The following BRINP3 variants were observed in gnomAD, a reference collection of about 807,000 sequenced individuals.
BRINP3 encodes BMP/retinoic acid-inducible neural-specific protein 3.
BRINP3 carries 19 observed loss-of-function variants against 71.0 expected under a neutral mutation model. The observed-to-expected ratio is 0.27, with a 90% CI of 0.19 to 0.39. BRINP3 has a LOEUF of 0.39. Among genes scored for constraint, BRINP3 ranks in the 10% least tolerant of loss-of-function variants. The pLI is 1.00. For missense variants in BRINP3, 959 were observed against 940.8 expected (o/e 1.02, Z -0.25); for synonymous variants, 380 against 337.7 (o/e 1.13, Z -1.37).
intron 2 of BRINP3, among the ~76,000 whole-genome samples, chr1:190,327,351 G>GGAAAAAAAAAAAAAAAAAAAA (rs1666668662): frequency 1.4e-4 from 9 of 65,748 alleles, no homozygotes; most frequent in East Asian, 4.4e-4. Flanking sequence ...AAAAAAAAAA[G>GGAAAAAAAAAAAAAAAAAAAA]GAAAAAAAAA....
intron 6 of BRINP3, among the ~76,000 whole-genome samples, chr1:190,188,353 T>G (rs1653725229): frequency 6.6e-6 from 1 of 152,192 alleles, no homozygotes; most frequent in African/African-American, 2.4e-5. Flanking sequence ...GGATACCTTT[T>G]ATTTATTTCT....
chr1:190,470,713 C>T (rs1677079785), intron 1 of BRINP3, among the ~76,000 whole-genome samples: 1 of 151,046 alleles, frequency 6.6e-6, no homozygotes, highest in Admixed American at 6.6e-5. Context: ...TTTTCACCAT[C>T]TCAATTGATA....
chr1:190,375,146 CA>C (rs1455355320), intron 2 of BRINP3, among the ~76,000 whole-genome samples: 2 of 151,764 alleles, frequency 1.3e-5, no homozygotes, highest in African/African-American at 4.8e-5. Flanking sequence ...GAAAATACAA[CA>C]AGGTAGTAAT....
chr1:190,444,637 C>T (rs1240407686), intron 2 of BRINP3, among the ~76,000 whole-genome samples: 1 of 151,968 alleles, frequency 6.6e-6, no homozygotes, highest in African/African-American at 2.4e-5. Flanking sequence ...CAGGTTCAAG[C>T]GATTCTCCCG....
intron 2 of BRINP3, among the ~76,000 whole-genome samples, chr1:190,317,001 C>A (rs1431084549): frequency 6.6e-6 from 1 of 151,582 alleles, no homozygotes; most frequent in East Asian, 2.0e-4. Flanking sequence ...GGTGAAACCC[C>A]ATCTCTACTA....
At chr1:190,138,313 G>A (rs1382327435) in intron 7 of BRINP3, among the ~76,000 whole-genome samples, 1 of 151,958 alleles carries the variant, frequency 6.6e-6, no homozygotes, top group Non-Finnish European at 1.5e-5. Context: ...ATTTATTAGT[G>A]TTATGAGAAT....
chr1:190,434,882 A>C (rs1674352773), intron 2 of BRINP3, among the ~76,000 whole-genome samples: 1 of 152,092 alleles, frequency 6.6e-6, no homozygotes, highest in African/African-American at 2.4e-5. Context: ...TATACTAACT[A>C]ATGCCTTTGC....
At chr1:190,426,889 A>G (rs1361154247) in intron 2 of BRINP3, among the ~76,000 whole-genome samples, 1 of 151,854 alleles carries the variant, frequency 6.6e-6, no homozygotes, top group Non-Finnish European at 1.5e-5. Flanking sequence ...GGGAGTCCAA[A>G]TGATAGTTAT....
At position 190,160,659 on chromosome 1, in the gene BRINP3, A is replaced by T. The variant is rs1344954496; in HGVS notation, c.1184+9T>A. The T allele has an allele frequency of 1.2e-6, 2 of 1,604,766 alleles. No homozygotes were observed. Among genetic ancestry groups the T allele is most frequent in the South Asian group, 2.2e-5 (2 of 89,658 alleles). ...AACTTAATTGCTTACATTACCACAA[A>T]TGTCTTACCTTTGTCTTGGCAGGCT... On this transcript the variant is annotated intron_variant, in intron 7 of 7. Transcript: ENST00000367462.
chr1:190,408,199 ATTTAT>A (rs756406885), intron 2 of BRINP3, among the ~76,000 whole-genome samples: 1,825 of 50,354 alleles, frequency 0.036, 26 homozygotes, highest in African/African-American at 0.077. Flanking sequence ...TTATTTATTT[ATTTAT>A]TTTTTTTTTT....
rs538171900 is a variant in BRINP3, at chr1:190,447,354, TA to T, written c.236+7300del. On this transcript the variant is annotated intron_variant, in intron 2 of 7. Coordinates refer to ENST00000367462, the MANE Select transcript of BRINP3 (RefSeq NM_199051.3). ...AACCAACATTTTTGAACATCTTATA[TA>T]TATATATATATTTGTGAATAGCTTA... Among the ~76,000 whole-genome samples the T allele has an allele frequency of 1.0e-3, 149 of 147,320 alleles. 1 individual carries two copies. The highest frequency in any genetic ancestry group is 1.4e-3 in the Non-Finnish European group (95 of 66,720).
rs751325612 is a variant in BRINP3, at chr1:190,098,059, G to C, written c.2260C>G (p.Pro754Ala). ...GTCGTGTCATAATCCATTGTGTTTGGCAATTTGGCATTAAACGCCTGCAGA... is the reference window on the plus strand; with the variant it reads ...GTCGTGTCATAATCCATTGTGTTTGCCAATTTGGCATTAAACGCCTGCAGA... Reference protein sequence around the residue: ...SALQAFNAKLPNTMDYDTTKL... With the variant: ...SALQAFNAKLANTMDYDTTKL... Residue 754 changes from proline to alanine, a missense_variant, in exon 8 of 8, where the codon CCA becomes GCA. Coordinates refer to ENST00000367462, the MANE Select transcript of BRINP3 (RefSeq NM_199051.3). 8 of 1,613,604 alleles carry C rather than the reference G, an allele frequency of 5.0e-6. No individual in the cohort carries two copies. The South Asian group carries it at 7.7e-5, about 16-fold the overall frequency.
chr1:190,143,680 C>T (rs1655645743), intron 7 of BRINP3, among the ~76,000 whole-genome samples: 2 of 152,056 alleles, frequency 1.3e-5, no homozygotes, highest in Admixed American at 1.3e-4. Context: ...GAATGAACAC[C>T]CAACATATAA....
intron 2 of BRINP3, among the ~76,000 whole-genome samples, chr1:190,337,564 C>G (rs763071770): frequency 3.9e-5 from 6 of 152,004 alleles, no homozygotes; most frequent in South Asian, 2.1e-4. Flanking sequence ...TTCCTGCCCT[C>G]GAACATCAGA....
At chr1:190,400,524 T>C (rs1333565856) in intron 2 of BRINP3, among the ~76,000 whole-genome samples, 2 of 152,188 alleles carry the variant, frequency 1.3e-5, no homozygotes, top group African/African-American at 2.4e-5. Flanking sequence ...CCAATGCTTT[T>C]AGTCAGCGTG....
intron 2 of BRINP3, among the ~76,000 whole-genome samples, chr1:190,450,616 A>C (rs1675543324): frequency 6.6e-6 from 1 of 152,068 alleles, no homozygotes; most frequent in African/African-American, 2.4e-5. Context: ...CTGATGAAAA[A>C]TACTTGTATT....
At chr1:190,379,997 C>CAAAAAAAAAAAAAAAAAAAAAAAAAAA (rs34329313) in intron 2 of BRINP3, among the ~76,000 whole-genome samples, 2 of 100,898 alleles carry the variant, frequency 2.0e-5, no homozygotes, top group African/African-American at 4.1e-5. Flanking sequence ...GACTCCACCT[C>CAAAAAAAAAAAAAAAAAAAAAAAAAAA]AAAAAAAAAA....
chr1:190,281,706 C>A lies in BRINP3; in HGVS notation c.281G>T (p.Arg94Ile), dbSNP rs759193265. ...AGGCAGAGGAGAGCCAAGGAAATTTCTTCTCTCAACTGCAAGGTTATTTAC... is the reference window on the plus strand; with the variant it reads ...AGGCAGAGGAGAGCCAAGGAAATTTATTCTCTCAACTGCAAGGTTATTTAC... ...WKVNNLAVER[R>I]NFLGSPLPLA... Residue 94 changes from arginine to isoleucine, a missense_variant, in exon 3 of 8, where the codon AGA (arginine) becomes ATA (isoleucine). Physicochemically the swap from Arg to Ile is moderately conservative, Grantham distance 97 (BLOSUM62 -3). Transcript: ENST00000367462. The A allele has an allele frequency of 8.1e-6, 13 of 1,612,554 alleles. No homozygotes were observed. The highest frequency in any genetic ancestry group is 3.4e-6 in the Non-Finnish European group (4 of 1,179,182).
intron 3 of BRINP3, among the ~76,000 whole-genome samples, chr1:190,270,902 A>G (rs1455515028): frequency 6.6e-6 from 1 of 151,662 alleles, no homozygotes; most frequent in Non-Finnish European, 1.5e-5. Flanking sequence ...ACATTCTTGT[A>G]TTTGGAAGGA....
Sources: gnomAD v4.1 joint callset for allele counts (sites outside exome capture counted in the v4.1 genomes callset) on GRCh38, gnomAD v4.1.1 for gene constraint, MANE v1.5 for transcripts, NCBI Gene and HGNC (gene_info 2026-07-23, HGNC 2026-07-21) for gene names.